Variants in CLTC observed in about 807,000 individuals in gnomAD.
CLTC encodes the protein clathrin heavy chain 1.
Under a neutral mutation model 195.8 loss-of-function variants are expected in CLTC, and 16 were observed. The observed-to-expected ratio is 0.08, with a 90% CI of 0.06 to 0.12. CLTC has a LOEUF of 0.12. CLTC is among the 10% of genes least tolerant of loss of function. CLTC has a pLI of 1.00. For missense variants in CLTC, 796 were observed against 2,027.0 expected, an observed-to-expected ratio of 0.39 and a Z score of 11.66; for synonymous variants, 667 against 689.4, an observed-to-expected ratio of 0.97 and a Z score of 0.51.
At chr17:59,658,212 A>G (rs1186815999) in intron 6 of CLTC, among the ~76,000 whole-genome samples, 6 of 152,022 alleles carry the variant, frequency 3.9e-5, no homozygotes, top group African/African-American at 7.2e-5. Flanking sequence ...CAAAAAAAAA[A>G]AGAGAGAGAG....
At chr17:59,647,720 C>G in intron 3 of CLTC, 54 bp downstream of exon 3, 8 of 1,472,846 alleles carry the variant, frequency 5.4e-6, no homozygotes, top group Non-Finnish European at 7.5e-6. Context: ...CGGTTGTGCC[C>G]AGAATGCAGT....
chr17:59,638,049 G>C (rs1007100602), intron 1 of CLTC, among the ~76,000 whole-genome samples: 1 of 143,342 alleles, frequency 7.0e-6, no homozygotes, highest in African/African-American at 2.6e-5. Flanking sequence ...CACTAATCTA[G>C]TATCAGTAGT....
At chr17:59,641,138 T>G (rs1258957321) in intron 1 of CLTC, among the ~76,000 whole-genome samples, 1 of 150,290 alleles carries the variant, frequency 6.7e-6, no homozygotes, top group Non-Finnish European at 1.5e-5. Context: ...ACAAAAAACT[T>G]GCAACTTCAG....
chr17:59,650,110 C>T (rs908023247), intron 4 of CLTC, among the ~76,000 whole-genome samples: 1 of 152,100 alleles, frequency 6.6e-6, no homozygotes, highest in Non-Finnish European at 1.5e-5. Flanking sequence ...GTCTTGGAAA[C>T]TGAATTTTTT....
At chr17:59,660,026 T>G (rs1598222801) in intron 6 of CLTC, among the ~76,000 whole-genome samples, 1 of 152,352 alleles carries the variant, frequency 6.6e-6, no homozygotes, top group African/African-American at 2.4e-5. Flanking sequence ...TTTTAAATTA[T>G]GTGGAGTTGT....
chr17:59,648,339 G>A lies in CLTC; in HGVS notation c.619G>A (p.Glu207Lys), dbSNP rs2032246777. 1 of 1,613,996 alleles carries A rather than the reference G, an allele frequency of 6.2e-7. No homozygotes were observed. ...AGCTAGCTTTGCACAGTTTAAGATG[G>A]AAGGAAATGCAGAAGAATCAACGTT... ...HAASFAQFKM[E>K]GNAEESTLFC... The change falls in exon 4 of 32, where the codon GAA becomes AAA. Residue 207 changes from glutamate (E) to lysine (K), a missense_variant. Around this residue, in one of 9 missense-constraint regions of CLTC, gnomAD observed 293 missense variants for 795.6 expected, o/e 0.37. Transcript: ENST00000269122. The surrounding 1 kb of genome is among the most constrained non-coding windows in gnomAD (Gnocchi z 4.5).
intron 1 of CLTC, among the ~76,000 whole-genome samples, chr17:59,628,567 C>T (rs756090024): frequency 6.6e-6 from 1 of 152,156 alleles, no homozygotes; most frequent in Non-Finnish European, 1.5e-5. Flanking sequence ...TTTCTGCATC[C>T]GTCGATTTCT....
Position 59,655,849 on chromosome 17 carries a change from T to C in CLTC, c.796-5T>C, listed in dbSNP as rs2032453402. 1.3e-6 allele frequency: 2 copies of C among 1,545,554 alleles called. No individual in the cohort carries two copies. The highest frequency in any genetic ancestry group is 1.7e-6 in the Non-Finnish European group (2 of 1,152,878). On this transcript the variant is annotated splice_polypyrimidine_tract_variant and splice_region_variant and intron_variant, in intron 5 of 31. Transcript: ENST00000269122. ...TTTACTAAAGTGTTGATTTTCTTTC[T>C]GTAGATCAGTGAAAAGCATGATGTG...
rs2032928902 is a variant in CLTC, at chr17:59,674,787, T to C, written c.2505T>C (p.Val835=). ...SEDVIKNLIL[V]VRGQFSTDEL... ...ATGTCATAAAAAACTTGATTCTTGT[T>C]GTAAGAGGTCAATTCTCTACTGATG... Residue 835 remains valine, a synonymous_variant, in exon 16 of 32, where the codon GTT becomes GTC. Coordinates refer to ENST00000269122, the MANE Select transcript of CLTC (RefSeq NM_004859.4). 1 of 1,613,626 alleles carries C rather than the reference T, an allele frequency of 6.2e-7. No homozygotes were observed. Among genetic ancestry groups the C allele is most frequent in the South Asian group, 1.1e-5 (1 of 91,054 alleles).
intron 8 of CLTC, among the ~76,000 whole-genome samples, chr17:59,662,102 TA>T (rs200777495): frequency 5.4e-3 from 746 of 137,612 alleles, no homozygotes; most frequent in African/African-American, 9.0e-3. Context: ...GACTCGGTCT[TA>T]AAAAAAAAAA....
At chr17:59,665,519 A>G (rs571031373) in intron 10 of CLTC, among the ~76,000 whole-genome samples, 3 of 152,194 alleles carry the variant, frequency 2.0e-5, no homozygotes, top group East Asian at 3.9e-4. Flanking sequence ...TATTTATGCT[A>G]TTGGTTTTCT....
chr17:59,673,893 T>TTTTTTG (rs2032908449), intron 15 of CLTC, 121 bp downstream of exon 15: 4 of 606,114 alleles, frequency 6.6e-6, no homozygotes, highest in Non-Finnish European at 1.1e-5. Flanking sequence ...TAACGTGGGA[T>TTTTTTG]TTTTTGTTTT....
intron 31 of CLTC, among the ~76,000 whole-genome samples, chr17:59,693,050 T>C (rs1421790962): frequency 6.6e-6 from 1 of 152,228 alleles, no homozygotes; most frequent in Non-Finnish European, 1.5e-5. Context: ...AATTTAAATG[T>C]AACTCTAAAA....
chr17:59,661,792 A>ATT, intron 8 of CLTC, 149 bp downstream of exon 8: 1 of 723,800 alleles, frequency 1.4e-6, no homozygotes, highest in Non-Finnish European at 2.3e-6. Context: ...GGATTCACTT[A>ATT]TTTCCTTTTG....
chr17:59,664,561 AAAAAAAG>A (rs1176587452), intron 9 of CLTC: 3,903 of 361,404 alleles, frequency 0.011, 3 homozygotes, highest in East Asian at 0.056. Flanking sequence ...AAAAAAAAAA[AAAAAAAG>A]AAAAGAAAAG....
At chr17:59,640,490 G>A (rs2031996321) in intron 1 of CLTC, among the ~76,000 whole-genome samples, 1 of 151,532 alleles carries the variant, frequency 6.6e-6, no homozygotes, top group South Asian at 2.1e-4. Context: ...TCCGCCTCCC[G>A]GGTACAAGCG....
intron 5 of CLTC, among the ~76,000 whole-genome samples, chr17:59,652,678 T>C (rs73331169): frequency 6.6e-6 from 1 of 152,252 alleles, no homozygotes; most frequent in East Asian, 1.9e-4. Context: ...AACCATGCTG[T>C]AAACAGATGT....
At chr17:59,676,850 G>A in intron 16 of CLTC, 104 bp from the exon 17 acceptor site, 1 of 875,532 alleles carries the variant, frequency 1.1e-6, no homozygotes. Context: ...AAAAGTATGT[G>A]AAAGCACATT....
chr17:59,652,518 G>A (rs1318869962), intron 5 of CLTC, among the ~76,000 whole-genome samples: 11 of 152,068 alleles, frequency 7.2e-5, no homozygotes, highest in South Asian at 4.1e-4. Flanking sequence ...TGCTGTCTTC[G>A]CAGACATGAA....
Sources: allele counts gnomAD v4.1 joint callset (sites outside exome capture counted in the v4.1 genomes callset), GRCh38; gene constraint gnomAD v4.1.1; regional missense constraint gnomAD v4.1.1; non-coding constraint Gnocchi (gnomAD v3.1); transcripts MANE v1.5; gene names NCBI Gene and HGNC (gene_info 2026-07-23, HGNC 2026-07-21).